The following FOXO3 variants were observed in gnomAD, a reference collection of about 807,000 sequenced individuals.
The protein encoded by FOXO3 is forkhead box protein O3.
In FOXO3, 4 loss-of-function variants were observed where a neutral mutation model predicts 41.9. That is an observed-to-expected ratio of 0.10 (90% confidence interval 0.05 to 0.22). The LOEUF (loss-of-function observed/expected upper bound fraction) is 0.22, where lower values mean the gene tolerates loss of function less well. FOXO3 is among the 10% of genes least tolerant of loss of function. FOXO3 has a pLI of 1.00. For synonymous variants in FOXO3, 318 were observed against 389.3 expected (o/e 0.82, Z 2.16); for missense variants, 534 against 906.8 (o/e 0.59, Z 5.28).
At chr6:108,631,413 C>T (rs1189672154) in intron 1 of FOXO3, among the ~76,000 whole-genome samples, 2 of 152,090 alleles carry the variant, frequency 1.3e-5, no homozygotes, top group African/African-American at 2.4e-5. Flanking sequence ...TGGTCATTTC[C>T]ACCTCTGGTC....
intron 2 of FOXO3, among the ~76,000 whole-genome samples, chr6:108,672,704 G>T (rs972151282): frequency 6.6e-6 from 1 of 151,948 alleles, no homozygotes; most frequent in Non-Finnish European, 1.5e-5. Context: ...ATGTCAGTAC[G>T]TCTCCTCTCT....
chr6:108,673,769 C>T (rs1180759488), intron 2 of FOXO3, among the ~76,000 whole-genome samples: 1 of 152,162 alleles, frequency 6.6e-6, no homozygotes, highest in Non-Finnish European at 1.5e-5. Flanking sequence ...CCCCCACATA[C>T]ACACACCCCA....
At chr6:108,568,304 G>A (rs1482566858) in intron 1 of FOXO3, among the ~76,000 whole-genome samples, 1 of 150,828 alleles carries the variant, frequency 6.6e-6, no homozygotes, top group East Asian at 1.9e-4. Context: ...GTTCATCTCA[G>A]TGCTGTTTGC....
chr6:108,567,925 G>C (rs951430682), intron 1 of FOXO3, among the ~76,000 whole-genome samples: 2 of 152,136 alleles, frequency 1.3e-5, no homozygotes, highest in African/African-American at 4.8e-5. Context: ...GCGCATGCCT[G>C]TAATCCCAGC....
rs950970268 is a variant in FOXO3, at chr6:108,681,723, A to G, written c.*1931A>G. 4 of 152,388 alleles carry G rather than the reference A, an allele frequency of 2.6e-5. No homozygotes were observed. The highest frequency in any genetic ancestry group is 9.7e-5 in the African/African-American group (4 of 41,410). The allele number at this position is 152,388 out of a possible 1,614,324, so 9.4% of individuals were successfully genotyped here. A position where few individuals can be genotyped will look rare whatever the true frequency, so the allele number is the denominator to read the frequency against. On this transcript the variant is annotated 3_prime_UTR_variant, in exon 3 of 3. Coordinates refer to ENST00000406360, the MANE Select transcript of FOXO3 (RefSeq NM_001455.4). ...AGCACATTGCCTTTTCTAAACTGCTACATGTTTATAATCTTCATTTTTAAA... is the reference window on the plus strand; with the variant it reads ...AGCACATTGCCTTTTCTAAACTGCTGCATGTTTATAATCTTCATTTTTAAA...
intron 1 of FOXO3, among the ~76,000 whole-genome samples, chr6:108,580,484 C>G (rs893826336): frequency 6.6e-6 from 1 of 152,166 alleles, no homozygotes; most frequent in African/African-American, 2.4e-5. Context: ...CCGTGCCCAG[C>G]CTTAGCTCTT....
At chr6:108,563,424 A>G (rs947615866) in intron 1 of FOXO3, among the ~76,000 whole-genome samples, 2 of 152,246 alleles carry the variant, frequency 1.3e-5, no homozygotes, top group South Asian at 2.1e-4. Context: ...GAAAGGATGA[A>G]AGTTAGACAA....
intron 1 of FOXO3, among the ~76,000 whole-genome samples, chr6:108,620,613 G>A (rs559791067): frequency 3.3e-4 from 51 of 152,272 alleles, no homozygotes; most frequent in African/African-American, 1.0e-3. Flanking sequence ...GTGAGAATGA[G>A]AACATCAAGT....
intron 1 of FOXO3, among the ~76,000 whole-genome samples, chr6:108,568,518 A>G (rs933768132): frequency 6.6e-6 from 1 of 152,098 alleles, no homozygotes; most frequent in African/African-American, 2.4e-5. Context: ...TTTTGCTAAG[A>G]CTGTTGAATA....
chr6:108,607,874 C>T (rs1373188909), intron 1 of FOXO3, among the ~76,000 whole-genome samples: 2 of 152,114 alleles, frequency 1.3e-5, no homozygotes, highest in Non-Finnish European at 2.9e-5. Flanking sequence ...AGATAAAATC[C>T]CCCTGCCTAA....
At chr6:108,616,554 C>T (rs145452660) in intron 1 of FOXO3, among the ~76,000 whole-genome samples, 4 of 152,288 alleles carry the variant, frequency 2.6e-5, no homozygotes, top group African/African-American at 7.2e-5. Context: ...AACTCTGCTT[C>T]TCAAAGTGCT....
At chr6:108,672,241 G>A (rs1001216952) in intron 2 of FOXO3, among the ~76,000 whole-genome samples, 5 of 152,242 alleles carry the variant, frequency 3.3e-5, no homozygotes, top group African/African-American at 1.2e-4. Context: ...CATGGTGTTG[G>A]CAGTAGTCTG....
intron 1 of FOXO3, among the ~76,000 whole-genome samples, chr6:108,640,343 A>T (rs1453422989): frequency 6.6e-6 from 1 of 152,154 alleles, no homozygotes; most frequent in Non-Finnish European, 1.5e-5. Flanking sequence ...TGAAATGGGG[A>T]TCCCCACACC....
intron 1 of FOXO3, among the ~76,000 whole-genome samples, chr6:108,584,569 A>G (rs912213586): frequency 6.6e-6 from 1 of 152,206 alleles, no homozygotes; most frequent in Admixed American, 6.5e-5. Flanking sequence ...TAAAGGAGAT[A>G]ACTTGGTTCA....
At chr6:108,630,326 G>T (rs1385706891) in intron 1 of FOXO3, among the ~76,000 whole-genome samples, 1 of 152,112 alleles carries the variant, frequency 6.6e-6, no homozygotes, top group African/African-American at 2.4e-5. Context: ...GGAATAAGGA[G>T]CAATCTTGAG....
intron 2 of FOXO3, among the ~76,000 whole-genome samples, chr6:108,678,866 A>ATTTTTTTTTTT (rs1770724993): frequency 2.8e-5 from 2 of 70,650 alleles, no homozygotes; most frequent in African/African-American, 7.1e-5. Flanking sequence ...CATTTCTTAA[A>ATTTTTTTTTTT]TTCTTTTTTT....
chr6:108,566,380 C>G (rs1291046659), intron 1 of FOXO3, among the ~76,000 whole-genome samples: 1 of 152,196 alleles, frequency 6.6e-6, no homozygotes, highest in Non-Finnish European at 1.5e-5. Flanking sequence ...GTGATTCTTA[C>G]TTAAAACCTG....
intron 1 of FOXO3, among the ~76,000 whole-genome samples, chr6:108,574,172 A>AG (rs1776196545): frequency 6.6e-6 from 1 of 150,808 alleles, no homozygotes; most frequent in Non-Finnish European, 1.5e-5. Flanking sequence ...AAAAAAAAAA[A>AG]GAAGAATTAG....
intron 1 of FOXO3, among the ~76,000 whole-genome samples, chr6:108,578,538 G>A (rs1385781083): frequency 1.3e-5 from 2 of 152,198 alleles, no homozygotes; most frequent in Non-Finnish European, 2.9e-5. Flanking sequence ...AGCAATAAAG[G>A]ATCCACTCAG....
Sources: gnomAD v4.1 joint callset for allele counts (sites outside exome capture counted in the v4.1 genomes callset) on GRCh38, gnomAD v4.1.1 for gene constraint, MANE v1.5 for transcripts, NCBI Gene and HGNC (gene_info 2026-07-23, HGNC 2026-07-21) for gene names.